Variants in OTUD7B observed in about 807,000 individuals in gnomAD.
The protein encoded by OTUD7B is OTU deubiquitinase 7B.
A neutral mutation model predicts 82.2 loss-of-function variants in OTUD7B; 34 were observed. The observed-to-expected ratio is 0.41, with a 90% CI of 0.31 to 0.55. The LOEUF (loss-of-function observed/expected upper bound fraction) is 0.55. OTUD7B is among the 20% of genes least tolerant of loss of function. The pLI, the probability that OTUD7B is intolerant of heterozygous loss-of-function variation, is 0.20. For missense variants in OTUD7B, 944 were observed against 1,062.1 expected (o/e 0.89, Z 1.55); for synonymous variants, 398 against 402.7 (o/e 0.99, Z 0.14).
Position 149,965,780 on chromosome 1 carries a change from G to T in OTUD7B, c.601C>A (p.Leu201Ile), listed in dbSNP as rs782047554. The T allele has an allele frequency of 1.9e-6, 3 of 1,611,292 alleles. No individual in the cohort carries two copies. Residue 201 changes from leucine (L) to isoleucine (I), a missense_variant, in exon 5 of 12, where the codon CTT (leucine) becomes ATT (isoleucine). Leu to Ile is a conservative substitution (Grantham distance 5, BLOSUM62 2). Coordinates refer to ENST00000581312, the MANE Select transcript of OTUD7B (RefSeq NM_020205.4). The part of the protein sequence containing the change: ...DGNCLLHAAS[L>I]GMWGFHDRDL... ...GAGGACTGCTTTCAAGACTCACCAA[G>T]GGAGGCTGCATGCAGGAGGCAGTTC...
At chr1:149,975,139 C>A (rs1303295377) in intron 2 of OTUD7B, among the ~76,000 whole-genome samples, 1 of 152,174 alleles carries the variant, frequency 6.6e-6, no homozygotes, top group African/African-American at 2.4e-5. Context: ...GTTTATTCTG[C>A]ATAAACACTC....
intron 2 of OTUD7B, among the ~76,000 whole-genome samples, chr1:149,973,415 C>A (rs949805646): frequency 3.3e-5 from 5 of 152,280 alleles, no homozygotes; most frequent in East Asian, 3.9e-4. Context: ...CAGAGTGAGA[C>A]CCCATCTCAT....
chr1:150,035,209 A>T, the OTUD7B span, among the ~76,000 whole-genome samples: 1 of 152,064 alleles, frequency 6.6e-6, no homozygotes, highest in Non-Finnish European at 1.5e-5. Context: ...TGATTTTAAC[A>T]GCTTTTTTCA....
chr1:150,057,170 G>A, the OTUD7B span, among the ~76,000 whole-genome samples: 1 of 152,120 alleles, frequency 6.6e-6, no homozygotes, highest in Non-Finnish European at 1.5e-5. Context: ...GAAAACATTA[G>A]ATAAACCCAT....
intron 1 of OTUD7B, among the ~76,000 whole-genome samples, chr1:149,998,439 C>A (rs1458931639): frequency 2.0e-5 from 3 of 152,176 alleles, no homozygotes; most frequent in Non-Finnish European, 1.5e-5. Context: ...GATCTTATTG[C>A]CCTCCTAGGT....
At position 149,940,207 on chromosome 1, in the gene OTUD7B, G is replaced by T. The variant is rs2092751961; in HGVS notation, c.*3650C>A. 7.3e-6 allele frequency: 1 copy of T among 136,248 alleles called. No homozygotes were observed. 8.4% of individuals were successfully genotyped at this position (136,248 alleles called of 1,614,324 possible). ...AATTCTTGTTTGTCTGTGGGCCTTA[G>T]TTTCGCTTGATAGAAAAAAAAAAAC... On this transcript the variant is annotated 3_prime_UTR_variant, in exon 12 of 12. Coordinates refer to ENST00000581312, the MANE Select transcript of OTUD7B (RefSeq NM_020205.4).
In OTUD7B at chr1:149,938,277, A is replaced by G. The variant is rs1480462666; in HGVS notation, c.*5580T>C. The G allele has an allele frequency of 6.6e-6, 1 of 151,994 alleles. No homozygotes were observed. The highest frequency in any genetic ancestry group is 2.4e-5 in the African/African-American group (1 of 41,368). The allele number at this position is 151,994 out of a possible 1,614,324, so 9.4% of individuals were successfully genotyped here. On this transcript the variant is annotated 3_prime_UTR_variant, in exon 12 of 12. Transcript: ENST00000581312. Reference sequence around the variant, plus strand: ...AGGAGTTCAGGACCACCTGGCCAACATGATGAAGCCCCATCTCTACTGAAA... The same window carrying G: ...AGGAGTTCAGGACCACCTGGCCAACGTGATGAAGCCCCATCTCTACTGAAA...
At chr1:150,047,000 G>T in the OTUD7B span, among the ~76,000 whole-genome samples, 2 of 152,080 alleles carry the variant, frequency 1.3e-5, no homozygotes, top group Non-Finnish European at 2.9e-5. Context: ...GAACCCGGGA[G>T]GCGGAGATTG....
intron 3 of OTUD7B, among the ~76,000 whole-genome samples, chr1:149,969,216 G>C (rs587679122): frequency 6.6e-6 from 1 of 152,194 alleles, no homozygotes; most frequent in African/African-American, 2.4e-5. Flanking sequence ...CCAGCTACTT[G>C]GGAGGCTGAG....
rs587750697 is a variant in OTUD7B, at chr1:149,944,291, G to A, written c.2098C>T (p.Arg700Trp). Residue 700 changes from arginine to tryptophan, a missense_variant, in exon 12 of 12, where the codon CGG (arginine) becomes TGG (tryptophan). Transcript: ENST00000581312. ...CAGTGGACTCCGCCCCCAGACGGCC[G>A]AGGGATAGTAAAGTCCCCAGGGTAG... ...TGYPGDFTIP[R>W]PSGGGVHCQE... 1.9e-5 allele frequency: 30 copies of A among 1,610,760 alleles called. No homozygotes were observed. Among genetic ancestry groups the A allele is most frequent in the South Asian group, 9.9e-5 (9 of 90,716 alleles).
intron 2 of OTUD7B, among the ~76,000 whole-genome samples, chr1:149,975,280 C>CAA (rs1272212885): frequency 1.3e-5 from 2 of 152,222 alleles, no homozygotes; most frequent in African/African-American, 4.8e-5. Context: ...ACAGCACCCT[C>CAA]AATGTTTCTT....
the OTUD7B span, among the ~76,000 whole-genome samples, chr1:150,058,169 A>T: frequency 5.3e-5 from 8 of 152,122 alleles, no homozygotes; most frequent in Admixed American, 5.2e-4. Context: ...CTGCTTTGCT[A>T]CTCAAAATGT....
At chr1:149,973,633 G>T (rs774328619) in intron 2 of OTUD7B, among the ~76,000 whole-genome samples, 1 of 151,326 alleles carries the variant, frequency 6.6e-6, no homozygotes, top group Non-Finnish European at 1.5e-5. Context: ...TAACAGGCGC[G>T]TGCCACCATT....
intron 1 of OTUD7B, among the ~76,000 whole-genome samples, chr1:150,000,291 T>C (rs184127973): frequency 6.6e-6 from 1 of 151,144 alleles, no homozygotes. Flanking sequence ...CTGGCTAACA[T>C]TAGGAAACCC....
the OTUD7B span, among the ~76,000 whole-genome samples, chr1:150,044,122 A>T: frequency 6.6e-6 from 1 of 152,112 alleles, no homozygotes; most frequent in Non-Finnish European, 1.5e-5. Flanking sequence ...AAAAATAATA[A>T]AATAAAATAA....
At chr1:149,946,969 C>T (rs868937330) in intron 11 of OTUD7B, among the ~76,000 whole-genome samples, 18 of 152,158 alleles carry the variant, frequency 1.2e-4, no homozygotes, top group Middle Eastern at 3.2e-3. Context: ...AGGAGAATCG[C>T]TTGAACCCAG....
the OTUD7B span, among the ~76,000 whole-genome samples, chr1:150,056,613 T>C: frequency 2.6e-5 from 4 of 152,230 alleles, no homozygotes; most frequent in Non-Finnish European, 4.4e-5. Context: ...TGCCAAGTTA[T>C]GCAGCTAGTA....
chr1:149,959,819 A>G, intron 6 of OTUD7B, 23 bp from the exon 7 acceptor site: 1 of 1,510,236 alleles, frequency 6.6e-7, no homozygotes, highest in Non-Finnish European at 9.2e-7. Context: ...CAGGCAGGGG[A>G]CATTGGGCAA....
chr1:149,948,587 G>A (rs781873818), intron 10 of OTUD7B, among the ~76,000 whole-genome samples: 1 of 151,578 alleles, frequency 6.6e-6, no homozygotes, highest in Non-Finnish European at 1.5e-5. Flanking sequence ...GGCCAGGCTT[G>A]TCTCGAACTC....
Sources: allele counts gnomAD v4.1 joint callset (sites outside exome capture counted in the v4.1 genomes callset), GRCh38; gene constraint gnomAD v4.1.1; transcripts MANE v1.5; gene names NCBI Gene and HGNC (gene_info 2026-07-23, HGNC 2026-07-21).